Variants in STON2 observed in about 807,000 individuals in gnomAD.
STON2 encodes the protein stonin 2.
STON2 carries 29 observed loss-of-function variants against 65.7 expected under a neutral mutation model. The ratio of observed to expected loss-of-function variants is 0.44; its 90% CI spans 0.33 to 0.60. The LOEUF (loss-of-function observed/expected upper bound fraction) is 0.60. Ranked by LOEUF, STON2 falls within the 20% of genes least tolerant of loss-of-function variation. The pLI is 0.03. For synonymous variants in STON2, 404 were observed against 414.2 expected (o/e 0.98, Z 0.30); for missense variants, 1,054 against 1,118.1 (o/e 0.94, Z 0.82).
At chr14:81,431,036 A>C (rs963120899) in intron 1 of STON2, among the ~76,000 whole-genome samples, 2 of 152,190 alleles carry the variant, frequency 1.3e-5, no homozygotes, top group African/African-American at 4.8e-5. Context: ...ACCATAGAAT[A>C]GATCAAGTGA....
At chr14:81,367,843 C>T (rs565136506) in intron 4 of STON2, among the ~76,000 whole-genome samples, 1 of 38,908 alleles carries the variant, frequency 2.6e-5, no homozygotes, top group African/African-American at 1.2e-4. Context: ...AGACTGCGTC[C>T]GTCAAAGCAG....
At chr14:81,346,665 C>T (rs1457745861) in intron 4 of STON2, among the ~76,000 whole-genome samples, 2 of 152,052 alleles carry the variant, frequency 1.3e-5, no homozygotes, top group African/African-American at 4.8e-5. Flanking sequence ...CAGGATAGAC[C>T]CTATGTTAGA....
chr14:81,309,562 C>T (rs980038568), intron 5 of STON2, among the ~76,000 whole-genome samples: 17 of 152,130 alleles, frequency 1.1e-4, no homozygotes, highest in African/African-American at 4.1e-4. Flanking sequence ...AAATCTGATC[C>T]TTCCTTGGAA....
rs867886790 is a variant in STON2 at position 81,424,511 on chromosome 14, A to T, written c.-199+2591T>A. 3.5e-4 allele frequency among the ~76,000 whole-genome samples: 54 copies of T among 152,278 alleles called. No individual in the cohort carries two copies. In the Middle Eastern group the frequency reaches 0.01, roughly 29 times the overall value. On this transcript the variant is annotated intron_variant, in intron 2 of 8. Coordinates refer to the STON2 transcript ENST00000553821. ...AATACACTCTCACTAAAAAAAAAAA[A>T]AATGGAAAATACAGAAAAGTATAAT...
chr14:81,410,252 T>C (rs947835739), intron 2 of STON2, among the ~76,000 whole-genome samples: 4 of 119,880 alleles, frequency 3.3e-5, no homozygotes, highest in Middle Eastern at 8.5e-3. Flanking sequence ...GACTTTCTGA[T>C]GCATGCAGAT....
intron 4 of STON2, among the ~76,000 whole-genome samples, chr14:81,367,046 G>A (rs1431508119): frequency 6.6e-6 from 1 of 152,212 alleles, no homozygotes; most frequent in African/African-American, 2.4e-5. Flanking sequence ...CCTCAAAGCA[G>A]GGCTCTCCCA....
intron 3 of STON2, among the ~76,000 whole-genome samples, chr14:81,381,629 T>C (rs1346476253): frequency 6.6e-6 from 1 of 152,222 alleles, no homozygotes; most frequent in Non-Finnish European, 1.5e-5. Flanking sequence ...TCCCCCTTTC[T>C]TTCTCCACTT....
intron 4 of STON2, among the ~76,000 whole-genome samples, chr14:81,368,476 G>A (rs996299205): frequency 1.3e-5 from 2 of 152,172 alleles, no homozygotes; most frequent in African/African-American, 4.8e-5. Flanking sequence ...CACTTTGAGA[G>A]GCCAAGGCAG....
At chr14:81,314,613 A>G (rs1443247772) in intron 5 of STON2, among the ~76,000 whole-genome samples, 1 of 152,226 alleles carries the variant, frequency 6.6e-6, no homozygotes, top group Non-Finnish European at 1.5e-5. Flanking sequence ...GATTCCATGC[A>G]TTAACCCAGC....
At chr14:81,312,747 C>T (rs1331895037) in intron 5 of STON2, among the ~76,000 whole-genome samples, 5 of 152,190 alleles carry the variant, frequency 3.3e-5, no homozygotes, top group Non-Finnish European at 7.3e-5. Context: ...CTTGTATTGA[C>T]CATAACTACT....
chr14:81,311,854 G>C (rs1396405069), intron 5 of STON2, among the ~76,000 whole-genome samples: 1 of 152,198 alleles, frequency 6.6e-6, no homozygotes, highest in African/African-American at 2.4e-5. Flanking sequence ...TATTACTTCT[G>C]TTTTGCATAT....
chr14:81,311,528 C>T (rs1896427054), intron 5 of STON2, among the ~76,000 whole-genome samples: 1 of 152,192 alleles, frequency 6.6e-6, no homozygotes, highest in African/African-American at 2.4e-5. Context: ...CTTAGATGAT[C>T]TTATTTCCTT....
intron 2 of STON2, among the ~76,000 whole-genome samples, chr14:81,397,560 C>T (rs573493334): frequency 7.9e-5 from 12 of 152,218 alleles, no homozygotes; most frequent in Non-Finnish European, 1.5e-4. Flanking sequence ...GCATACCTGT[C>T]GACTCACACT....
upstream of STON2, among the ~76,000 whole-genome samples, chr14:81,404,678 A>C (rs1900763391): frequency 6.6e-6 from 1 of 151,904 alleles, no homozygotes; most frequent in African/African-American, 2.4e-5. Flanking sequence ...TAATTTTAAA[A>C]AATGTTTCCG....
At chr14:81,382,950 A>G (rs576208401) in intron 3 of STON2, among the ~76,000 whole-genome samples, 1 of 152,268 alleles carries the variant, frequency 6.6e-6, no homozygotes, top group East Asian at 1.9e-4. Flanking sequence ...GAAATCTCCG[A>G]TAAGTTATTT....
At chr14:81,333,624 C>A (rs920987406) in intron 4 of STON2, among the ~76,000 whole-genome samples, 13 of 152,190 alleles carry the variant, frequency 8.5e-5, no homozygotes, top group African/African-American at 2.7e-4. Context: ...ATGGAATGAA[C>A]TTCCTCTCTA....
At chr14:81,337,259 A>G (rs1196338292) in intron 4 of STON2, among the ~76,000 whole-genome samples, 1 of 152,230 alleles carries the variant, frequency 6.6e-6, no homozygotes, top group African/African-American at 2.4e-5. Context: ...TGAATCAGAC[A>G]TTGATATTGC....
intron 4 of STON2, chr14:81,333,315 T>C: frequency 1.6e-6 from 1 of 637,044 alleles, no homozygotes; most frequent in Non-Finnish European, 2.9e-6. Flanking sequence ...CTGAAGTCGT[T>C]GGTTGGTCAT....
chr14:81,352,926 C>A (rs950671800), intron 4 of STON2, among the ~76,000 whole-genome samples: 2 of 152,114 alleles, frequency 1.3e-5, no homozygotes, highest in African/African-American at 4.8e-5. Context: ...GGTTCAGTAA[C>A]CACAAGAATA....
Sources: allele counts gnomAD v4.1 joint callset (sites outside exome capture counted in the v4.1 genomes callset), GRCh38; gene constraint gnomAD v4.1.1; transcripts MANE v1.5; gene names NCBI Gene and HGNC (gene_info 2026-07-23, HGNC 2026-07-21).